The following ATXN1 variants were observed in gnomAD, a reference collection of about 807,000 sequenced individuals.
ATXN1 encodes the protein ataxin 1.
Under a neutral mutation model 56.4 loss-of-function variants are expected in ATXN1, and 8 were observed. The ratio of observed to expected loss-of-function variants is 0.14; its 90% confidence interval spans 0.08 to 0.26. The LOEUF is 0.26. ATXN1 is among the 10% of genes least tolerant of loss of function. The pLI is 1.00. For synonymous variants in ATXN1, 514 were observed against 494.6 expected, an observed-to-expected ratio of 1.04 and a Z score of -0.52; for missense variants, 987 against 1,106.5, an observed-to-expected ratio of 0.89 and a Z score of 1.53.
chr6:16,483,787 A>C (rs963572336), intron 6 of ATXN1, among the ~76,000 whole-genome samples: 1 of 152,004 alleles, frequency 6.6e-6, no homozygotes, highest in African/African-American at 2.4e-5. Flanking sequence ...ACAACAAAAA[A>C]CCCCCACTAG....
At chr6:16,353,003 G>GAGCGCTGCGC (rs1263554631) in intron 6 of ATXN1, among the ~76,000 whole-genome samples, 2 of 152,128 alleles carry the variant, frequency 1.3e-5, no homozygotes, top group Non-Finnish European at 2.9e-5. Flanking sequence ...CACCGGCGGG[G>GAGCGCTGCGC]AGCGCTGCGC....
intron 2 of ATXN1, among the ~76,000 whole-genome samples, chr6:16,688,829 T>G (rs974591602): frequency 5.3e-5 from 8 of 152,220 alleles, no homozygotes; most frequent in African/African-American, 1.9e-4. Flanking sequence ...GAGATTCTCA[T>G]TTATGATATC....
chr6:16,660,899 A>G (rs1429757703), intron 2 of ATXN1, among the ~76,000 whole-genome samples: 1 of 125,714 alleles, frequency 8.0e-6, no homozygotes, highest in Non-Finnish European at 1.5e-5. Context: ...AGTGCAGTGG[A>G]GTGATCTCAG....
At chr6:16,728,336 G>C (rs1315424848) in intron 2 of ATXN1, among the ~76,000 whole-genome samples, 2 of 152,250 alleles carry the variant, frequency 1.3e-5, no homozygotes, top group African/African-American at 4.8e-5. Flanking sequence ...TCCCGGAGAA[G>C]TGGAGATTCA....
rs527677625 is a variant in ATXN1, at chr6:16,387,896, TAAC to T, written c.-160-59429_-160-59427del. On this transcript the variant is annotated intron_variant, in intron 6 of 7. Transcript: ENST00000436367. The stretch of plus-strand genomic sequence containing the variant: ...TAGTGTACAATACACAACTAAATCT[TAAC>T]AACAACAACAATGAATTTAGTGGAT... Among the ~76,000 whole-genome samples the T allele has an allele frequency of 4.8e-3, 732 of 152,306 alleles. 2 individuals carry two copies. The highest frequency in any genetic ancestry group is 0.017 in the Middle Eastern group (5 of 294).
intron 4 of ATXN1, among the ~76,000 whole-genome samples, chr6:16,583,635 G>T (rs557388817): frequency 1.1e-4 from 16 of 152,316 alleles, no homozygotes; most frequent in South Asian, 1.0e-3. Context: ...GAGCTAGGCA[G>T]CCCTGGCTGG....
chr6:16,557,161 C>A (rs968780909), intron 4 of ATXN1, among the ~76,000 whole-genome samples: 1 of 151,850 alleles, frequency 6.6e-6, no homozygotes, highest in Non-Finnish European at 1.5e-5. Flanking sequence ...GCCGTCTCTA[C>A]TAAAAATACA....
chr6:16,679,485 A>G (rs1251588534), intron 2 of ATXN1, among the ~76,000 whole-genome samples: 5 of 152,194 alleles, frequency 3.3e-5, no homozygotes, highest in Non-Finnish European at 7.4e-5. Flanking sequence ...AGGGAAATAT[A>G]GTGGAGTGAG....
intron 6 of ATXN1, among the ~76,000 whole-genome samples, chr6:16,444,065 G>A (rs750345499): frequency 6.7e-4 from 102 of 151,266 alleles, no homozygotes; most frequent in Non-Finnish European, 1.1e-3. Flanking sequence ...GCAGTGAGCC[G>A]AGATTGCGCC....
intron 6 of ATXN1, among the ~76,000 whole-genome samples, chr6:16,349,076 A>G (rs973362690): frequency 6.6e-6 from 1 of 152,374 alleles, no homozygotes. Context: ...GAGTTCACAC[A>G]TAAGAAGAAT....
intron 6 of ATXN1, among the ~76,000 whole-genome samples, chr6:16,382,685 A>T (rs1467356096): frequency 2.6e-5 from 4 of 152,120 alleles, no homozygotes; most frequent in Non-Finnish European, 5.9e-5. Context: ...ACTGTAGCCT[A>T]GGTAGAGTGA....
At chr6:16,634,164 GTT>G (rs909757829) in intron 3 of ATXN1, among the ~76,000 whole-genome samples, 1 of 152,092 alleles carries the variant, frequency 6.6e-6, no homozygotes, top group Non-Finnish European at 1.5e-5. Context: ...AGAAAACACA[GTT>G]TAAACCACTT....
chr6:16,440,648 A>AAAAAAAAAAAAAAAAAAAAGAAAGAAAG (rs748929817), intron 6 of ATXN1, among the ~76,000 whole-genome samples: 4,029 of 116,966 alleles, frequency 0.034, 239 homozygotes, highest in East Asian at 0.15. Context: ...CTTAAAAAAA[A>AAAAAAAAAAAAAAAAAAAAGAAAGAAAG]AAAAGAAAAG....
chr6:16,544,743 G>C (rs1422896957), intron 4 of ATXN1, among the ~76,000 whole-genome samples: 1 of 152,162 alleles, frequency 6.6e-6, no homozygotes, highest in Non-Finnish European at 1.5e-5. Context: ...CCTGCAGCTT[G>C]CATCTGAGAT....
chr6:16,703,445 A>C (rs56384477), intron 2 of ATXN1, among the ~76,000 whole-genome samples: 102,603 of 151,774 alleles, frequency 0.68, 34,745 homozygotes, highest in East Asian at 0.75. Context: ...CAAACCTGCA[A>C]GTTGTGCACA....
chr6:16,545,464 T>C (rs1034240525), intron 4 of ATXN1, among the ~76,000 whole-genome samples: 6 of 152,176 alleles, frequency 3.9e-5, no homozygotes, highest in Admixed American at 2.0e-4. Flanking sequence ...ATTCTTCAAT[T>C]CAGGGTCCTG....
At chr6:16,472,611 C>T (rs753887429) in intron 6 of ATXN1, among the ~76,000 whole-genome samples, 3 of 152,236 alleles carry the variant, frequency 2.0e-5, no homozygotes, top group Non-Finnish European at 4.4e-5. Context: ...TCCTATCACA[C>T]ACTTCTTTAT....
intron 4 of ATXN1, among the ~76,000 whole-genome samples, chr6:16,568,480 C>A (rs1025112230): frequency 2.6e-5 from 4 of 152,164 alleles, no homozygotes; most frequent in Non-Finnish European, 4.4e-5. Flanking sequence ...ACTCCAAACA[C>A]ATTTTCTCAG....
At chr6:16,439,131 A>C (rs1197422074) in intron 6 of ATXN1, among the ~76,000 whole-genome samples, 2 of 152,006 alleles carry the variant, frequency 1.3e-5, no homozygotes, top group Non-Finnish European at 2.9e-5. Context: ...ACACTATAAG[A>C]AGCACGTTTG....
Sources: gnomAD v4.1 joint callset for allele counts (sites outside exome capture counted in the v4.1 genomes callset) on GRCh38, gnomAD v4.1.1 for gene constraint, MANE v1.5 for transcripts, NCBI Gene and HGNC (gene_info 2026-07-23, HGNC 2026-07-21) for gene names.